SMCO2: variants seen among roughly 807,000 people sequenced by gnomAD.
The protein encoded by SMCO2 is single-pass membrane and coiled-coil domain-containing protein 2.
Under a neutral mutation model 29.5 loss-of-function variants are expected in SMCO2, and 25 were observed. That is an observed-to-expected ratio of 0.85 (90% confidence interval 0.62 to 1.18). The LOEUF (loss-of-function observed/expected upper bound fraction) is 1.18, where lower values mean the gene tolerates loss of function less well. SMCO2 is among the 50% of genes most tolerant of loss of function. SMCO2 has a pLI of 0.00. For synonymous variants in SMCO2, 117 were observed against 123.3 expected (o/e 0.95, Z 0.34); for missense variants, 348 against 344.5 (o/e 1.01, Z -0.08).
At chr12:27,478,162 A>G (rs560837465) in intron 4 of SMCO2, among the ~76,000 whole-genome samples, 1 of 152,110 alleles carries the variant, frequency 6.6e-6, no homozygotes, top group East Asian at 1.9e-4. Flanking sequence ...TCTCTACATG[A>G]TTTCTTTGGT....
chr12:27,477,073 A>G (rs957934362), intron 4 of SMCO2, among the ~76,000 whole-genome samples: 6 of 151,822 alleles, frequency 4.0e-5, no homozygotes, highest in African/African-American at 1.2e-4. Context: ...TTGTTCTTTC[A>G]CTTCCAGATG....
chr12:27,484,271 C>T (rs377158001), intron 4 of SMCO2, among the ~76,000 whole-genome samples: 5 of 151,948 alleles, frequency 3.3e-5, no homozygotes, highest in Non-Finnish European at 4.4e-5. Context: ...CCCCGCTGCT[C>T]GGGAGGTTGA....
At chr12:27,466,390 C>T (rs113497858), upstream of SMCO2, among the ~76,000 whole-genome samples, 8,806 of 152,074 alleles carry the variant, frequency 0.058, 301 homozygotes, top group East Asian at 0.12. Flanking sequence ...CCAGCCTGGG[C>T]GACAGAGCGA....
chr12:27,468,704 G>A lies in SMCO2; in HGVS notation c.-11+1729G>A, dbSNP rs117221083. On this transcript the variant is annotated intron_variant, in intron 1 of 7. Transcript: ENST00000298876. ...TCTAGGTCATCTTTGGAGGTGGGAG[G>A]TGGGGAAAATCTTTTTATCAGTAGC... is the stretch of plus-strand genomic sequence containing the variant. 1.1e-3 allele frequency among the ~76,000 whole-genome samples: 165 copies of A among 152,316 alleles called. 3 individuals carry two copies. The East Asian group carries it at 0.025, about 23-fold the overall frequency.
chr12:27,448,530 C>T, the SMCO2 span, among the ~76,000 whole-genome samples: 2 of 152,200 alleles, frequency 1.3e-5, no homozygotes, highest in African/African-American at 4.8e-5. Context: ...CTTTTCTCGG[C>T]ATTGTGTCAG....
chr12:27,437,404 T>A, the SMCO2 span, among the ~76,000 whole-genome samples: 13 of 152,148 alleles, frequency 8.5e-5, no homozygotes, highest in African/African-American at 3.1e-4. Context: ...CGATGTCCAG[T>A]TTGGACTTTT....
At chr12:27,474,997 C>A in intron 4 of SMCO2, 84 bp downstream of exon 4, 1 of 1,463,582 alleles carries the variant, frequency 6.8e-7, no homozygotes, top group Non-Finnish European at 9.1e-7. Context: ...TAGGGAAAGT[C>A]TGGAAGATTT....
chr12:27,464,525 A>G (rs1410822873), upstream of SMCO2, among the ~76,000 whole-genome samples: 1 of 151,882 alleles, frequency 6.6e-6, no homozygotes, highest in Non-Finnish European at 1.5e-5. Flanking sequence ...CCTGGGCAAC[A>G]TGGTGAGAAC....
the SMCO2 span, among the ~76,000 whole-genome samples, chr12:27,440,214 A>G: frequency 5.9e-5 from 9 of 152,344 alleles, no homozygotes; most frequent in African/African-American, 1.9e-4. Context: ...GTGCTAAAAG[A>G]AAAATAAAAA....
intron 5 of SMCO2, among the ~76,000 whole-genome samples, chr12:27,492,774 C>T (rs1035753242): frequency 1.3e-5 from 2 of 152,170 alleles, no homozygotes; most frequent in African/African-American, 2.4e-5. Flanking sequence ...AGCAGTATGG[C>T]GATTCCTCAA....
chr12:27,425,463 A>T, the SMCO2 span, among the ~76,000 whole-genome samples: 1 of 152,084 alleles, frequency 6.6e-6, no homozygotes, highest in African/African-American at 2.4e-5. Flanking sequence ...TTAACCAGTA[A>T]AGGTTTCCTT....
upstream of SMCO2, among the ~76,000 whole-genome samples, chr12:27,465,742 A>G (rs1405718734): frequency 6.6e-6 from 1 of 152,238 alleles, no homozygotes; most frequent in Non-Finnish European, 1.5e-5. Flanking sequence ...AGATCTTAGT[A>G]AACCAATTTT....
At chr12:27,495,938 G>A in intron 7 of SMCO2, 83 bp downstream of exon 8, 1 of 1,245,338 alleles carries the variant, frequency 8.0e-7, no homozygotes, top group Non-Finnish European at 1.0e-6. Flanking sequence ...TTTTTCAAGT[G>A]TTGACTAAAA....
the SMCO2 span, among the ~76,000 whole-genome samples, chr12:27,452,454 T>C: frequency 1.3e-5 from 2 of 152,230 alleles, no homozygotes; most frequent in Admixed American, 1.3e-4. Context: ...ATTTTTGCTG[T>C]TGTGAATAGT....
chr12:27,461,976 A>G (rs544168160), upstream of SMCO2, among the ~76,000 whole-genome samples: 9 of 152,362 alleles, frequency 5.9e-5, no homozygotes, highest in Admixed American at 1.3e-4. Context: ...TCAGCATGCT[A>G]CTAACTATTG....
intron 1 of SMCO2, among the ~76,000 whole-genome samples, chr12:27,467,698 A>G (rs1401321311): frequency 6.6e-6 from 1 of 152,186 alleles, no homozygotes; most frequent in Non-Finnish European, 1.5e-5. Flanking sequence ...TGCAAAACTT[A>G]TAGTCAGAAT....
intron 5 of SMCO2, among the ~76,000 whole-genome samples, chr12:27,490,598 A>G (rs1949727232): frequency 1.3e-5 from 2 of 152,164 alleles, no homozygotes. Flanking sequence ...AAGCTACATA[A>G]AAACAAATGT....
intron 3 of SMCO2, among the ~76,000 whole-genome samples, chr12:27,473,597 C>G (rs965126910): frequency 1.1e-4 from 17 of 152,114 alleles, no homozygotes; most frequent in African/African-American, 2.9e-4. Context: ...TACTCTATGA[C>G]CTTGGGCAAG....
At chr12:27,474,985 C>A in intron 4 of SMCO2, 72 bp downstream of exon 4, 1 of 1,497,984 alleles carries the variant, frequency 6.7e-7, no homozygotes, top group Non-Finnish European at 8.9e-7. Context: ...AAGCAGATAA[C>A]TTAGGGAAAG....
Sources: allele counts gnomAD v4.1 joint callset (sites outside exome capture counted in the v4.1 genomes callset), GRCh38; gene constraint gnomAD v4.1.1; transcripts MANE v1.5; gene names NCBI Gene and HGNC (gene_info 2026-07-23, HGNC 2026-07-21).